Variants in TMEM200A observed in about 807,000 individuals in gnomAD.
TMEM200A encodes two transmembrane C.
TMEM200A carries 12 observed loss-of-function variants against 24.3 expected under a neutral mutation model. That is an observed-to-expected ratio of 0.49 (90% CI 0.32 to 0.80). The LOEUF is 0.80. TMEM200A is among the 30% of genes least tolerant of loss of function. TMEM200A has a pLI of 0.04. For missense variants in TMEM200A, 545 were observed against 614.4 expected, an observed-to-expected ratio of 0.89 and a Z score of 1.19; for synonymous variants, 224 against 224.4, an observed-to-expected ratio of 1.00 and a Z score of 0.02.
At chr6:130,414,596 T>A (rs1319093813) in intron 2 of TMEM200A, among the ~76,000 whole-genome samples, 1 of 152,266 alleles carries the variant, frequency 6.6e-6, no homozygotes, top group Admixed American at 6.5e-5. Flanking sequence ...TCATTAAGAG[T>A]GCTTGTAAAT....
chr6:130,404,044 T>G (rs1156500011), intron 2 of TMEM200A, among the ~76,000 whole-genome samples: 1 of 152,212 alleles, frequency 6.6e-6, no homozygotes, highest in Non-Finnish European at 1.5e-5. Flanking sequence ...ATGGTGTAAA[T>G]GTACCACATT....
intron 2 of TMEM200A, among the ~76,000 whole-genome samples, chr6:130,425,026 G>GTTCTT (rs1468692684): frequency 6.6e-6 from 1 of 151,946 alleles, no homozygotes; most frequent in Non-Finnish European, 1.5e-5. Context: ...CATCCCCAGA[G>GTTCTT]TTCTTTTTCT....
At chr6:130,365,604 G>A (rs895616185), upstream of TMEM200A, 32 of 985,352 alleles carry the variant, frequency 3.2e-5, no homozygotes, top group Non-Finnish European at 1.3e-5. Flanking sequence ...AGAACTGGGG[G>A]AGCCGGGTCC....
chr6:130,395,191 A>G (rs1202405784), intron 2 of TMEM200A, among the ~76,000 whole-genome samples: 5 of 152,196 alleles, frequency 3.3e-5, no homozygotes, highest in Admixed American at 2.0e-4. Flanking sequence ...ACGCACACAG[A>G]AGATTCTGAC....
rs60801142 is a variant in TMEM200A at position 130,386,326 on chromosome 6, A to C, written c.-17+1090A>C. Reference sequence around the variant, plus strand: ...GTCTTCTTTGCTAAAAGGGGTAGCCACTGAGTTTGCTTAGAACGGGGCTGA... The same window carrying C: ...GTCTTCTTTGCTAAAAGGGGTAGCCCCTGAGTTTGCTTAGAACGGGGCTGA... On this transcript the variant is annotated intron_variant, in intron 2 of 2. Coordinates refer to ENST00000296978, the MANE Select transcript of TMEM200A (RefSeq NM_001258277.2). 4.1e-3 allele frequency among the ~76,000 whole-genome samples: 630 copies of C among 152,328 alleles called. 7 individuals are homozygous for C. Among genetic ancestry groups the C allele is most frequent in the African/African-American group, 0.014 (586 of 41,574 alleles).
chr6:130,396,907 C>G (rs895981017), intron 2 of TMEM200A, among the ~76,000 whole-genome samples: 1 of 152,114 alleles, frequency 6.6e-6, no homozygotes, highest in South Asian at 2.1e-4. Context: ...TCCTCAGAAC[C>G]AGTAGGATGT....
At chr6:130,403,550 G>C (rs992752004) in intron 2 of TMEM200A, among the ~76,000 whole-genome samples, 5 of 139,988 alleles carry the variant, frequency 3.6e-5, no homozygotes, top group African/African-American at 1.2e-4. Flanking sequence ...ATTTATATTT[G>C]ATAACATGTA....
intron 1 of TMEM200A, among the ~76,000 whole-genome samples, chr6:130,379,547 A>C (rs1188453364): frequency 6.6e-6 from 1 of 152,160 alleles, no homozygotes; most frequent in Non-Finnish European, 1.5e-5. Flanking sequence ...TCTACAAAAA[A>C]TGGTGGGGTT....
At position 130,441,037 on chromosome 6, in the gene TMEM200A, G is replaced by A. The variant is rs1284849234; in HGVS notation, c.615G>A (p.Leu205=). The change falls in exon 3 of 3, where the codon TTG becomes TTA. Residue 205 remains leucine, a synonymous_variant. Transcript: ENST00000296978. ...ATGGGAGCTCCTGTGCCTCGAGATT[G>A]GCAGCAAATACGATCGCCTCTTTCT... ...KQNGSSCASR[L]AANTIASFSG... 1.2e-6 allele frequency: 2 copies of A among 1,613,814 alleles called. No individual in the cohort carries two copies. The highest frequency in any genetic ancestry group is 2.7e-5 in the African/African-American group (2 of 74,932).
Position 130,441,220 on chromosome 6 carries a change from T to C in TMEM200A, c.798T>C (p.Asp266=), listed in dbSNP as rs765717721. 17 of 1,614,034 alleles carry C rather than the reference T, an allele frequency of 1.1e-5. No individual in the cohort carries two copies. The Admixed American group carries it at 2.5e-4, about 24-fold the overall frequency. Residue 266 remains aspartate, a synonymous_variant, in exon 3 of 3, where the codon GAT becomes GAC. Transcript: ENST00000296978. The part of the protein sequence containing the change: ...GLYPPPSKTT[D]DKTSGSKKCE... ...ATCCACCTCCTTCCAAGACAACTGA[T>C]GATAAGACCAGCGGCTCTAAGAAAT...
At chr6:130,394,158 CA>C (rs1444496091) in intron 2 of TMEM200A, among the ~76,000 whole-genome samples, 1 of 152,188 alleles carries the variant, frequency 6.6e-6, no homozygotes, top group Non-Finnish European at 1.5e-5. Flanking sequence ...ATACCAACAT[CA>C]GATTTGGATC....
intron 2 of TMEM200A, among the ~76,000 whole-genome samples, chr6:130,401,105 T>A (rs1333738846): frequency 6.6e-6 from 1 of 151,968 alleles, no homozygotes; most frequent in Non-Finnish European, 1.5e-5. Flanking sequence ...TGCATTAACC[T>A]TTTTTGTTTT....
chr6:130,384,640 A>G (rs1778672904), intron 1 of TMEM200A, among the ~76,000 whole-genome samples: 1 of 152,248 alleles, frequency 6.6e-6, no homozygotes, highest in South Asian at 2.1e-4. Context: ...TTAATAAAAA[A>G]GGAAATGTTA....
At chr6:130,401,793 A>G (rs1401503573) in intron 2 of TMEM200A, among the ~76,000 whole-genome samples, 1 of 151,928 alleles carries the variant, frequency 6.6e-6, no homozygotes, top group Non-Finnish European at 1.5e-5. Flanking sequence ...AGGTAAAAAC[A>G]GTGGTCTCTC....
At chr6:130,436,662 T>TC (rs1562573529) in intron 2 of TMEM200A, among the ~76,000 whole-genome samples, 9 of 128,284 alleles carry the variant, frequency 7.0e-5, no homozygotes, top group African/African-American at 1.5e-4. Flanking sequence ...TTTTTTTTTT[T>TC]CAGAGAGACA....
chr6:130,417,766 T>C (rs1779491846), intron 2 of TMEM200A, among the ~76,000 whole-genome samples: 1 of 152,200 alleles, frequency 6.6e-6, no homozygotes, highest in South Asian at 2.1e-4. Flanking sequence ...GTAGATGAAC[T>C]TCTTAAGGAA....
At chr6:130,409,779 A>C (rs1181108610) in intron 2 of TMEM200A, among the ~76,000 whole-genome samples, 1 of 151,996 alleles carries the variant, frequency 6.6e-6, no homozygotes, top group African/African-American at 2.4e-5. Context: ...TTTTTGAGGC[A>C]GTTATTCTCT....
At chr6:130,423,498 A>G (rs1046352809) in intron 2 of TMEM200A, among the ~76,000 whole-genome samples, 2 of 152,178 alleles carry the variant, frequency 1.3e-5, no homozygotes, top group African/African-American at 4.8e-5. Flanking sequence ...ATTGAAAGAA[A>G]AAAAGTACAT....
chr6:130,410,923 C>G (rs1288031285), intron 2 of TMEM200A, among the ~76,000 whole-genome samples: 2 of 152,204 alleles, frequency 1.3e-5, no homozygotes, highest in Non-Finnish European at 2.9e-5. Context: ...AATCCCAGCA[C>G]TTTGGGATGC....
Sources: gnomAD v4.1 joint callset for allele counts (sites outside exome capture counted in the v4.1 genomes callset) on GRCh38, gnomAD v4.1.1 for gene constraint, MANE v1.5 for transcripts, NCBI Gene and HGNC (gene_info 2026-07-23, HGNC 2026-07-21) for gene names.